Variants in METTL21A observed in about 807,000 individuals in gnomAD.
The protein encoded by METTL21A is protein N-lysine methyltransferase METTL21A.
METTL21A carries 22 observed loss-of-function variants against 20.9 expected under a neutral mutation model. The observed-to-expected ratio is 1.05, with a 90% CI of 0.75 to 1.50. The LOEUF is 1.50. METTL21A is among the 40% of genes most tolerant of loss of function. The pLI is 0.00. For synonymous variants in METTL21A, 93 were observed against 102.0 expected (o/e 0.91, Z 0.53); for missense variants, 271 against 266.8 (o/e 1.02, Z -0.11).
At chr2:207,592,719 G>A (rs1445464480) in intron 3 of METTL21A, among the ~76,000 whole-genome samples, 6 of 151,872 alleles carry the variant, frequency 4.0e-5, no homozygotes, top group Non-Finnish European at 8.8e-5. Flanking sequence ...AGGAGATTGA[G>A]AACATCCTGG....
intron 3 of METTL21A, among the ~76,000 whole-genome samples, chr2:207,619,309 A>G (rs770852084): frequency 1.3e-5 from 2 of 152,106 alleles, no homozygotes; most frequent in Non-Finnish European, 2.9e-5. Flanking sequence ...GTTCTCCCCA[A>G]ATTCAGGAAT....
Position 207,616,624 on chromosome 2 carries a change from C to A in METTL21A, c.260-3181G>T, listed in dbSNP as rs903104388. On this transcript the variant is annotated intron_variant, in intron 3 of 3. Coordinates refer to ENST00000406927, the Ensembl canonical transcript of METTL21A. Reference sequence around the variant, plus strand: ...CTTTGGGAGGCCAAGGCGGGTGGATCACCTGAGGTCAGGAGTTCGAGACCA... The same window carrying A: ...CTTTGGGAGGCCAAGGCGGGTGGATAACCTGAGGTCAGGAGTTCGAGACCA... 5.8e-4 allele frequency among the ~76,000 whole-genome samples: 89 copies of A among 152,160 alleles called. 1 individual carries two copies. Among genetic ancestry groups the A allele is most frequent in the Admixed American group, 5.8e-3 (88 of 15,278 alleles).
intron 3 of METTL21A, among the ~76,000 whole-genome samples, chr2:207,591,547 C>T (rs2106636698): frequency 6.6e-6 from 1 of 152,268 alleles, no homozygotes; most frequent in African/African-American, 2.4e-5. Flanking sequence ...ATTCTCGTGC[C>T]TCAGCTTCCA....
At chr2:207,600,801 C>A (rs2086914140) in intron 3 of METTL21A, 1 of 209,412 alleles carries the variant, frequency 4.8e-6, no homozygotes, top group South Asian at 1.9e-4. Flanking sequence ...CCCTGTAGGA[C>A]AAATCCCTAC....
intron 3 of METTL21A, chr2:207,598,568 C>T (rs1243387075): frequency 1.7e-5 from 3 of 176,346 alleles, no homozygotes; most frequent in Non-Finnish European, 2.4e-5. Flanking sequence ...CATTTGGAGC[C>T]GGGCGCAGTG....
In METTL21A at chr2:207,622,655, T is replaced by C. The variant is rs188805190; in HGVS notation, c.148-738A>G. On this transcript the variant is annotated intron_variant, in intron 2 of 3. Coordinates refer to ENST00000406927, the Ensembl canonical transcript of METTL21A. ...ACACATTGCCCAAGGGTCTCTGAAC[T>C]GCGTCACTGATGGTCATCGCCCCAC... Among the ~76,000 whole-genome samples, 313 of 152,342 alleles carry C rather than the reference T, an allele frequency of 2.1e-3. 3 individuals are homozygous for C. Among genetic ancestry groups the C allele is most frequent in the African/African-American group, 7.1e-3 (296 of 41,588 alleles).
chr2:207,616,004 C>T (rs1467615032), intron 3 of METTL21A, among the ~76,000 whole-genome samples: 4 of 151,952 alleles, frequency 2.6e-5, no homozygotes, highest in African/African-American at 9.7e-5. Flanking sequence ...CCGTCTTGGC[C>T]TCCCAAAGTG....
intron 3 of METTL21A, among the ~76,000 whole-genome samples, chr2:207,621,403 A>G (rs1372933599): frequency 6.6e-6 from 1 of 152,258 alleles, no homozygotes; most frequent in Non-Finnish European, 1.5e-5. Flanking sequence ...TATCTGCTCT[A>G]TCTCCCTCAC....
intron 3 of METTL21A, among the ~76,000 whole-genome samples, chr2:207,592,528 T>C (rs1163424122): frequency 1.3e-5 from 2 of 152,230 alleles, no homozygotes; most frequent in Non-Finnish European, 2.9e-5. Context: ...AAATATAATA[T>C]GCCTAGGGAT....
Position 207,587,666 on chromosome 2 carries a change from T to C in METTL21A, c.260-5506A>G, listed in dbSNP as rs371206561. ...CCATGTGGATGAACTTGGGGGACAT[T>C]ATGGGTTATGCAAAATAACTCAAAC... On this transcript the variant is annotated intron_variant, in intron 3 of 3. Coordinates refer to the METTL21A transcript ENST00000425132. Among the ~76,000 whole-genome samples, 52 of 152,302 alleles carry C rather than the reference T, an allele frequency of 3.4e-4. 3 individuals are homozygous for C. The highest frequency in any genetic ancestry group is 1.3e-3 in the East Asian group (7 of 5,196).
intron 3 of METTL21A, among the ~76,000 whole-genome samples, chr2:207,590,978 C>A (rs1044919422): frequency 1.3e-5 from 2 of 152,052 alleles, no homozygotes; most frequent in Non-Finnish European, 2.9e-5. Flanking sequence ...TCTTTTTTGA[C>A]CTATAGACTT....
intron 3 of METTL21A, among the ~76,000 whole-genome samples, chr2:207,617,779 A>C (rs1234978938): frequency 6.6e-6 from 1 of 152,214 alleles, no homozygotes; most frequent in Non-Finnish European, 1.5e-5. Context: ...CAGGTGACAG[A>C]TGATGAGAGC....
downstream of METTL21A, chr2:207,580,996 T>C (rs2082892468): frequency 4.6e-6 from 1 of 218,404 alleles, no homozygotes; most frequent in African/African-American, 2.2e-5. Flanking sequence ...GAATGAACTC[T>C]TCCTACAGGA....
intron 3 of METTL21A, among the ~76,000 whole-genome samples, chr2:207,590,816 T>C (rs1423384120): frequency 6.6e-6 from 1 of 152,224 alleles, no homozygotes; most frequent in African/African-American, 2.4e-5. Context: ...CAACCCTTGA[T>C]ATAAATAATT....
chr2:207,618,266 A>G (rs184800559), intron 3 of METTL21A, among the ~76,000 whole-genome samples: 12 of 152,302 alleles, frequency 7.9e-5, no homozygotes, highest in African/African-American at 2.6e-4. Flanking sequence ...TGGATACAGC[A>G]GTTCCCTCTT....
At chr2:207,590,008 T>C (rs2084663995) in intron 3 of METTL21A, among the ~76,000 whole-genome samples, 2 of 151,912 alleles carry the variant, frequency 1.3e-5, no homozygotes, top group Admixed American at 6.6e-5. Context: ...ATAATATTTG[T>C]ATTATTTAAG....
intron 3 of METTL21A, chr2:207,615,693 TA>T (rs755303520): frequency 0.019 from 2,077 of 108,654 alleles, 13 homozygotes; most frequent in African/African-American, 0.03. Flanking sequence ...AGACTCCGTC[TA>T]AAAAAAAAAA....
At chr2:207,624,341 A>G (rs1048613463) in exon 2 of METTL21A, 7 of 1,613,606 alleles carry the variant, frequency 4.3e-6, no homozygotes, top group Middle Eastern at 3.3e-4. Flanking sequence ...CTGCAACCCA[A>G]ATTCCGTGGT....
exon 4 of METTL21A, chr2:207,613,270 T>C: frequency 3.7e-6 from 6 of 1,614,072 alleles, no homozygotes; most frequent in Non-Finnish European, 5.1e-6. Context: ...AAATATATGA[T>C]ATCAGCACCA....
Sources: gnomAD v4.1 joint callset for allele counts (sites outside exome capture counted in the v4.1 genomes callset) on GRCh38, gnomAD v4.1.1 for gene constraint, MANE v1.5 for transcripts, NCBI Gene and HGNC (gene_info 2026-07-23, HGNC 2026-07-21) for gene names.